RCC1: variants seen among roughly 807,000 people sequenced by gnomAD.
The protein encoded by RCC1 is regulator of chromosome condensation.
In RCC1, 11 loss-of-function variants were observed where a neutral mutation model predicts 44.4. That is an observed-to-expected ratio of 0.25 (90% CI 0.16 to 0.41). The LOEUF (loss-of-function observed/expected upper bound fraction) is 0.41, where lower values mean the gene tolerates loss of function less well. Ranked by LOEUF, RCC1 falls within the 10% of genes least tolerant of loss-of-function variation. The pLI, the probability that RCC1 is intolerant of heterozygous loss-of-function variation, is 1.00. For missense variants in RCC1, 386 were observed against 547.1 expected, an observed-to-expected ratio of 0.71 and a Z score of 2.94; for synonymous variants, 213 against 216.5, an observed-to-expected ratio of 0.98 and a Z score of 0.14.
At chr1:28,523,308 C>T (rs1351573002) in intron 4 of RCC1, among the ~76,000 whole-genome samples, 1 of 152,048 alleles carries the variant, frequency 6.6e-6, no homozygotes, top group South Asian at 2.1e-4. Flanking sequence ...CGTGAGCCAC[C>T]GCGCCCGGCC....
intron 4 of RCC1, chr1:28,526,977 G>A: frequency 1.1e-6 from 1 of 869,654 alleles, no homozygotes; most frequent in Non-Finnish European, 2.0e-6. Flanking sequence ...TCAAGGCTTA[G>A]GTCTTTGAAC....
At chr1:28,530,633 G>T (rs1207895122) in intron 5 of RCC1, 2 of 1,587,410 alleles carry the variant, frequency 1.3e-6, no homozygotes, top group African/African-American at 2.7e-5. Context: ...CGCGCCCGGG[G>T]CGCCCTCTGT....
In RCC1 at chr1:28,509,072, G is replaced by A. The variant is rs1570160028; in HGVS notation, c.-153+167G>A. The A allele has an allele frequency of 8.3e-6, 3 of 359,576 alleles. No homozygotes were observed. The Admixed American group carries it at 1.1e-4, about 14-fold the overall frequency. The allele number at this position is 359,576 out of a possible 1,614,324, so 22.3% of individuals were successfully genotyped here. A position where few individuals can be genotyped will look rare whatever the true frequency, so the allele number is the denominator to read the frequency against. ...GCAACCTCAGCCTCCCAAGTAGCTG[G>A]GATTACAAACATAAGCCACCACGCC... On this transcript the variant is annotated intron_variant, in intron 3 of 12. Transcript: ENST00000683442.
rs556383329 is a variant in RCC1 at position 28,508,852 on chromosome 1, G to C, written c.-206G>C. The C allele has an allele frequency of 1.9e-6, 1 of 517,352 alleles. No individual in the cohort carries two copies. Among genetic ancestry groups the C allele is most frequent in the African/African-American group, 1.9e-5 (1 of 51,848 alleles). The allele number at this position is 517,352 out of a possible 1,614,324, so 32.0% of individuals were successfully genotyped here. ...TAGGAGAGAAGACGATCTGCACTTC[G>C]CATTTTGGCATTGACATTTAATTTT... On this transcript the variant is annotated 5_prime_UTR_variant, in exon 3 of 13. Transcript: ENST00000683442.
Position 28,535,370 on chromosome 1 carries a change from G to A in RCC1, c.651G>A (p.Arg217=). 6.2e-7 allele frequency: 1 copy of A among 1,614,094 alleles called. No homozygotes were observed. The highest frequency in any genetic ancestry group is 8.5e-7 in the Non-Finnish European group (1 of 1,180,000). ...AGTTATTTGCCAACCGTGGTGGCCG[G>A]CAAGGCCTCGGTAAGTGGCCTTGGT... The part of the protein sequence containing the change: ...VPELFANRGG[R]QGLERLLVPK... The change falls in exon 9 of 13, where the codon CGG becomes CGA. Residue 217 remains arginine, a synonymous_variant. Transcript: ENST00000683442.
At chr1:28,528,442 G>A (rs945503779) in intron 4 of RCC1, among the ~76,000 whole-genome samples, 16 of 152,072 alleles carry the variant, frequency 1.1e-4, no homozygotes, top group Non-Finnish European at 7.4e-5. Context: ...GTGACAGAAC[G>A]AGACTCCATT....
At position 28,521,239 on chromosome 1, in the gene RCC1, C is replaced by T. The variant is rs964562359; in HGVS notation, c.-10+4372C>T. On this transcript the variant is annotated intron_variant, in intron 4 of 12. Transcript: ENST00000683442. ...TCCTCTGGCCGGGAGCAGTGGCTCA[C>T]GCCTGTAATCCCAGCACTTTGGGAG... is the stretch of plus-strand genomic sequence containing the variant. Among the ~76,000 whole-genome samples, 6 of 152,144 alleles carry T rather than the reference C, an allele frequency of 3.9e-5. No homozygotes were observed. The South Asian group carries it at 1.2e-3, about 32-fold the overall frequency.
intron 3 of RCC1, among the ~76,000 whole-genome samples, chr1:28,514,264 C>A (rs558074955): frequency 7.3e-5 from 11 of 151,344 alleles, no homozygotes; most frequent in African/African-American, 2.2e-4. Flanking sequence ...TCTTGGCTAA[C>A]ACGGTGAAAC....
At chr1:28,508,074 G>A (rs41270839) in intron 1 of RCC1, 54 bp from the exon 2 acceptor site, 11,554 of 417,250 alleles carry the variant, frequency 0.028, 722 homozygotes, top group African/African-American at 0.17. Flanking sequence ...GAGGCCCCTC[G>A]TTGAAAAAGT....
In RCC1 at chr1:28,536,404, T is replaced by G; in HGVS notation, c.937+23T>G. Reference sequence around the variant, plus strand: ...AAGGTAGGGCCTTTACGTCCTTCTCTAGTTTGGGGGTGGAGTGTTCCCTGG... The same window carrying G: ...AAGGTAGGGCCTTTACGTCCTTCTCGAGTTTGGGGGTGGAGTGTTCCCTGG... On this transcript the variant is annotated intron_variant, in intron 11 of 12. Transcript: ENST00000683442. The surrounding 1 kb of genome is among the most constrained non-coding windows in gnomAD (Gnocchi z 4.9). 2.5e-6 allele frequency: 4 copies of G among 1,609,486 alleles called. No individual in the cohort carries two copies. Among genetic ancestry groups the G allele is most frequent in the Non-Finnish European group, 2.5e-6 (3 of 1,178,438 alleles).
chr1:28,507,940 G>A (rs963864212), intron 1 of RCC1, 188 bp from the exon 2 acceptor site: 4 of 299,120 alleles, frequency 1.3e-5, no homozygotes, highest in Non-Finnish European at 2.7e-5. Context: ...AAGAAAAATT[G>A]GCTAAAAAGT....
rs747793704 is a variant in RCC1, at chr1:28,536,937, T to C, written c.1090+38T>C. 3 of 1,609,674 alleles carry C rather than the reference T, an allele frequency of 1.9e-6. No homozygotes were observed. Among genetic ancestry groups the C allele is most frequent in the Non-Finnish European group, 2.5e-6 (3 of 1,177,138 alleles). On this transcript the variant is annotated intron_variant, in intron 12 of 12. Coordinates refer to ENST00000683442, the MANE Select transcript of RCC1 (RefSeq NM_001381865.2). This position sits in a 1 kb window ranked among gnomAD's most constrained non-coding sequence, Gnocchi z 4.9. ...GCCTACACTCTGTCTAGTTGGGACC[T>C]GGGGGTCATGGTTCTTACCCAATTC...
Position 28,532,006 on chromosome 1 carries a change from T to C in RCC1, c.261+16T>C. ...AAGTGGCCAGGTAGGTGTTGGGGAC[T>C]GGCACAGGGTTGGACAAGGCCTGGG... is the stretch of plus-strand genomic sequence containing the variant. On this transcript the variant is annotated intron_variant, in intron 6 of 12. Coordinates refer to ENST00000683442, the MANE Select transcript of RCC1 (RefSeq NM_001381865.2). 6.4e-7 allele frequency: 1 copy of C among 1,563,296 alleles called. No homozygotes were observed. The highest frequency in any genetic ancestry group is 8.7e-7 in the Non-Finnish European group (1 of 1,154,962).
At chr1:28,523,315 G>A (rs1043441353) in intron 4 of RCC1, among the ~76,000 whole-genome samples, 5 of 152,030 alleles carry the variant, frequency 3.3e-5, no homozygotes, top group South Asian at 2.1e-4. Context: ...CACCGCGCCC[G>A]GCCAGAAGAA....
chr1:28,527,237 C>A, intron 4 of RCC1: 1 of 752,438 alleles, frequency 1.3e-6, no homozygotes. Context: ...ATCTTCAGTG[C>A]ATGTGTGTTT....
At chr1:28,533,825 T>TTTTC (rs1664346528) in intron 7 of RCC1, among the ~76,000 whole-genome samples, 1 of 129,390 alleles carries the variant, frequency 7.7e-6, no homozygotes, top group African/African-American at 2.9e-5. Context: ...GAATTATATT[T>TTTTC]TTTTCTTTTC....
chr1:28,507,794 A>G, intron 1 of RCC1: 1 of 342,000 alleles, frequency 2.9e-6, no homozygotes, highest in East Asian at 7.7e-5. Context: ...TTTAGTAAAG[A>G]CAGGGTTTCA....
chr1:28,514,113 G>A (rs1662722291), intron 3 of RCC1, among the ~76,000 whole-genome samples: 1 of 151,586 alleles, frequency 6.6e-6, no homozygotes, highest in Non-Finnish European at 1.5e-5. Context: ...GTTGCAGTGA[G>A]CTGAGATCGT....
chr1:28,532,282 T>G lies in RCC1; in HGVS notation c.373T>G (p.Ser125Ala). The G allele has an allele frequency of 6.2e-7, 1 of 1,614,070 alleles. No homozygotes were observed. The highest frequency in any genetic ancestry group is 8.5e-7 in the Non-Finnish European group (1 of 1,180,012). ...GCTGCAAGAGAAGGTGGTACAGGTG[T>G]CAGCAGGAGACAGTCACACAGCAGC... The part of the protein sequence containing the change: ...VELQEKVVQV[S>A]AGDSHTAALT... Residue 125 changes from serine (S) to alanine (A), a missense_variant, in exon 7 of 13, where the codon TCA becomes GCA. Coordinates refer to ENST00000683442, the MANE Select transcript of RCC1 (RefSeq NM_001381865.2).
Sources: allele counts gnomAD v4.1 joint callset (sites outside exome capture counted in the v4.1 genomes callset), GRCh38; gene constraint gnomAD v4.1.1; non-coding constraint Gnocchi (gnomAD v3.1); transcripts MANE v1.5; gene names NCBI Gene and HGNC (gene_info 2026-07-23, HGNC 2026-07-21).